Variants in CA10 observed in about 807,000 individuals in gnomAD.
The protein encoded by CA10 is carbonic anhydrase 10 (inactive), also known as carbonic anhydrase-related protein 10.
In CA10, 14 loss-of-function variants were observed where a neutral mutation model predicts 44.2. The observed-to-expected ratio is 0.32, with a 90% CI of 0.21 to 0.50. The LOEUF is 0.50. CA10 is among the 20% of genes least tolerant of loss of function. The pLI is 0.99. For missense variants in CA10, 350 were observed against 409.7 expected (o/e 0.85, Z 1.26); for synonymous variants, 159 against 141.6 (o/e 1.12, Z -0.87).
intron 1 of CA10, among the ~76,000 whole-genome samples, chr17:52,136,974 G>A (rs1989374204): frequency 1.3e-5 from 2 of 152,114 alleles, no homozygotes; most frequent in African/African-American, 4.8e-5. Flanking sequence ...ATATCAAAAT[G>A]AGGAATTTTT....
intron 3 of CA10, among the ~76,000 whole-genome samples, chr17:51,750,485 TC>T (rs1904855349): frequency 7.0e-6 from 1 of 142,800 alleles, no homozygotes; most frequent in African/African-American, 2.5e-5. Context: ...GATTGTTGAA[TC>T]TTTACAGCCC....
intron 3 of CA10, among the ~76,000 whole-genome samples, chr17:51,786,636 T>G (rs1019382477): frequency 2.0e-5 from 3 of 151,780 alleles, no homozygotes; most frequent in African/African-American, 7.3e-5. Context: ...GCCCTTTATA[T>G]CTTTCTCTTG....
intron 1 of CA10, among the ~76,000 whole-genome samples, chr17:52,112,943 CT>C (rs1988817195): frequency 6.6e-6 from 1 of 152,124 alleles, no homozygotes; most frequent in African/African-American, 2.4e-5. Flanking sequence ...CATTTCTTTT[CT>C]TTTCCTCTCT....
chr17:51,956,931 A>T (rs141991951), intron 2 of CA10, among the ~76,000 whole-genome samples: 1 of 152,120 alleles, frequency 6.6e-6, no homozygotes, highest in South Asian at 2.1e-4. Context: ...GAGGTAGGAG[A>T]TGCTGTTCAT....
chr17:52,134,449 C>T (rs919016717), intron 1 of CA10, among the ~76,000 whole-genome samples: 1 of 152,158 alleles, frequency 6.6e-6, no homozygotes, highest in Admixed American at 6.6e-5. Context: ...TTTAATATCA[C>T]TGAGTCTCAG....
At chr17:51,958,749 A>G (rs771949951) in intron 2 of CA10, among the ~76,000 whole-genome samples, 1 of 152,194 alleles carries the variant, frequency 6.6e-6, no homozygotes, top group Non-Finnish European at 1.5e-5. Context: ...TTCATGATGT[A>G]AAAACAAAGC....
intron 4 of CA10, among the ~76,000 whole-genome samples, chr17:51,717,551 A>C (rs1169041533): frequency 7.3e-6 from 1 of 137,228 alleles, no homozygotes; most frequent in East Asian, 2.1e-4. Context: ...ATATATATAT[A>C]TATATATATA....
chr17:51,850,366 C>T (rs555868605), intron 3 of CA10, among the ~76,000 whole-genome samples: 2 of 152,310 alleles, frequency 1.3e-5, no homozygotes, highest in African/African-American at 2.4e-5. Context: ...ACCGAACTTA[C>T]AAAGCAGCAA....
At position 51,799,250 on chromosome 17, in the gene CA10, G is replaced by T. The variant is rs796784041; in HGVS notation, c.280-51432C>A. ...AGTTATTTAGTTCCTTAACAATGCT[G>T]CAAAATAAATAACCATAAACCCCCA... On this transcript the variant is annotated intron_variant, in intron 3 of 8. Transcript: ENST00000451037. Among the ~76,000 whole-genome samples the T allele has an allele frequency of 2.0e-5, 3 of 152,228 alleles. No homozygotes were observed. In the South Asian group the frequency reaches 6.2e-4, roughly 32 times the overall value.
intron 1 of CA10, among the ~76,000 whole-genome samples, chr17:52,140,213 A>T (rs1989447435): frequency 6.6e-6 from 1 of 152,228 alleles, no homozygotes; most frequent in Non-Finnish European, 1.5e-5. Flanking sequence ...CCATATAATT[A>T]AAATGAGTGC....
chr17:51,701,609 G>C (rs908587293), intron 4 of CA10, among the ~76,000 whole-genome samples: 3 of 152,102 alleles, frequency 2.0e-5, no homozygotes, highest in Non-Finnish European at 4.4e-5. Context: ...CTTCCCTCAA[G>C]TTCTTAATCC....
In CA10 at chr17:51,678,995, C is replaced by T. The variant is rs1436468685; in HGVS notation, c.466-25259G>A. 2.6e-5 allele frequency among the ~76,000 whole-genome samples: 4 copies of T among 152,272 alleles called. No homozygotes were observed. The East Asian group carries it at 7.7e-4, about 29-fold the overall frequency. On this transcript the variant is annotated intron_variant, in intron 4 of 8. Transcript: ENST00000451037. ...ACTGTAGACTTAAGCTTTCTCCGTT[C>T]ATTCATTCCTTCATGTTCCAAAGCA...
rs1364826631 is a variant in CA10, at chr17:51,633,600, C to T, written c.840G>A (p.Leu280=). The T allele has an allele frequency of 1.9e-6, 3 of 1,613,694 alleles. No homozygotes were observed. In the African/African-American group the frequency reaches 4.0e-5, roughly 22 times the overall value. The change falls in exon 8 of 9, where the codon CTG becomes CTA. Residue 280 remains leucine, a synonymous_variant. Coordinates refer to ENST00000451037, the MANE Select transcript of CA10 (RefSeq NM_020178.5). ...CAGGCCTGAAGTTGTCACTCATGCT[C>T]AGAAAGATCTGAGATGGCTGGTTCT... is the stretch of plus-strand genomic sequence containing the variant. ...LSQNQPSQIF[L]SMSDNFRPVQ...
intron 4 of CA10, among the ~76,000 whole-genome samples, chr17:51,687,712 T>A (rs1408069649): frequency 6.6e-6 from 1 of 152,242 alleles, no homozygotes; most frequent in Admixed American, 6.5e-5. Flanking sequence ...TACTTATTGC[T>A]TTTTTGATAT....
At chr17:51,911,709 C>A (rs1157886639) in intron 3 of CA10, among the ~76,000 whole-genome samples, 1 of 152,142 alleles carries the variant, frequency 6.6e-6, no homozygotes, top group Non-Finnish European at 1.5e-5. Flanking sequence ...GATGGAGATA[C>A]CTCTGCAGAA....
chr17:52,107,420 T>G (rs1800171317), intron 1 of CA10, among the ~76,000 whole-genome samples: 1 of 152,272 alleles, frequency 6.6e-6, no homozygotes, highest in African/African-American at 2.4e-5. Flanking sequence ...TAAAAGGTTA[T>G]TTTTTCTTTT....
intron 1 of CA10, among the ~76,000 whole-genome samples, chr17:52,081,717 G>A (rs1312882294): frequency 2.0e-5 from 3 of 150,064 alleles, no homozygotes; most frequent in Admixed American, 6.7e-5. Flanking sequence ...GGAGAATGGC[G>A]TTAACCTGGG....
At chr17:51,757,959 G>C (rs1367008321) in intron 3 of CA10, among the ~76,000 whole-genome samples, 3 of 152,074 alleles carry the variant, frequency 2.0e-5, no homozygotes, top group African/African-American at 7.2e-5. Flanking sequence ...CTTAGATGTA[G>C]GTAAATAAGA....
At chr17:51,831,770 G>A (rs965665112) in intron 3 of CA10, among the ~76,000 whole-genome samples, 1 of 138,088 alleles carries the variant, frequency 7.2e-6, no homozygotes, top group African/African-American at 2.8e-5. Flanking sequence ...TCACTGACTG[G>A]ACAGGGTTAT....
Sources: gnomAD v4.1 joint callset for allele counts (sites outside exome capture counted in the v4.1 genomes callset) on GRCh38, gnomAD v4.1.1 for gene constraint, MANE v1.5 for transcripts, NCBI Gene and HGNC (gene_info 2026-07-23, HGNC 2026-07-21) for gene names.